Variants in HEMK2 observed in about 807,000 individuals in gnomAD.
The protein encoded by HEMK2 is methyltransferase HEMK2.
the HEMK2 span, among the ~76,000 whole-genome samples, chr21:28,817,736 C>T: frequency 1.3e-5 from 2 of 152,160 alleles, no homozygotes; most frequent in Non-Finnish European, 2.9e-5. Context: ...AACACTGACC[C>T]TTCTCAATTG....
chr21:28,877,618 GAA>G, the HEMK2 span, among the ~76,000 whole-genome samples: 4 of 146,864 alleles, frequency 2.7e-5, no homozygotes, highest in East Asian at 2.0e-4. Context: ...GAAAAAAAGA[GAA>G]AAGAGAGAAA....
chr21:28,885,318 AC>A, the HEMK2 span: 1 of 1,588,222 alleles, frequency 6.3e-7, no homozygotes, highest in Non-Finnish European at 8.6e-7. Context: ...TGCCCGTGGA[AC>A]GGCGTAGCGA....
At chr21:28,844,775 C>A in the HEMK2 span, among the ~76,000 whole-genome samples, 5 of 131,838 alleles carry the variant, frequency 3.8e-5, no homozygotes, top group Non-Finnish European at 6.2e-5. Context: ...CTTTCTTTTA[C>A]TTTAATTTGC....
chr21:28,668,751 G>A, the HEMK2 span, among the ~76,000 whole-genome samples: 260 of 152,252 alleles, frequency 1.7e-3, 3 homozygotes, highest in Middle Eastern at 3.4e-3. Flanking sequence ...TCAATTAACC[G>A]TGTATTAGTG....
the HEMK2 span, among the ~76,000 whole-genome samples, chr21:28,803,834 T>C: frequency 6.6e-6 from 1 of 152,252 alleles, no homozygotes; most frequent in African/African-American, 2.4e-5. Flanking sequence ...ATTAGAGTAA[T>C]TGTCTGAATT....
At chr21:28,885,339 C>G in the HEMK2 span, 2 of 1,570,542 alleles carry the variant, frequency 1.3e-6, no homozygotes, top group Non-Finnish European at 8.7e-7. Context: ...AAGTTCTCCC[C>G]TGCCATAGTC....
chr21:28,744,618 T>C, the HEMK2 span, among the ~76,000 whole-genome samples: 31 of 152,318 alleles, frequency 2.0e-4, no homozygotes, highest in Admixed American at 1.0e-3. Flanking sequence ...TTCTTCTTAA[T>C]AAAGGAAACA....
the HEMK2 span, among the ~76,000 whole-genome samples, chr21:28,655,242 A>G: frequency 3.3e-5 from 5 of 152,076 alleles, no homozygotes; most frequent in Admixed American, 3.3e-4. Context: ...CACTAATTTC[A>G]ATGAATACAA....
the HEMK2 span, among the ~76,000 whole-genome samples, chr21:28,854,711 G>A: frequency 6.6e-6 from 1 of 152,134 alleles, no homozygotes; most frequent in African/African-American, 2.4e-5. Context: ...GGGAGGCTAG[G>A]CCAGTTTCTC....
At chr21:28,681,081 G>C in the HEMK2 span, among the ~76,000 whole-genome samples, 1 of 152,154 alleles carries the variant, frequency 6.6e-6, no homozygotes. Flanking sequence ...GAAATAAAGG[G>C]CATTCAATTA....
the HEMK2 span, among the ~76,000 whole-genome samples, chr21:28,768,189 C>T: frequency 6.6e-6 from 1 of 152,094 alleles, no homozygotes; most frequent in Non-Finnish European, 1.5e-5. Context: ...CCTGGGCTTC[C>T]CCTCTGTGAG....
the HEMK2 span, among the ~76,000 whole-genome samples, chr21:28,652,282 G>A: frequency 1.3e-5 from 2 of 152,064 alleles, no homozygotes; most frequent in African/African-American, 4.8e-5. Context: ...GGGAAATCCC[G>A]ATTAGCCTAA....
the HEMK2 span, among the ~76,000 whole-genome samples, chr21:28,597,081 G>T: frequency 6.6e-6 from 1 of 152,066 alleles, no homozygotes; most frequent in Non-Finnish European, 1.5e-5. Context: ...CTGCTCTGAT[G>T]AAAGAAACAG....
At chr21:28,809,923 C>T in the HEMK2 span, among the ~76,000 whole-genome samples, 1 of 152,080 alleles carries the variant, frequency 6.6e-6, no homozygotes, top group Non-Finnish European at 1.5e-5. Flanking sequence ...TAAGGTTATC[C>T]ATTTCTGGGC....
chr21:28,694,296 C>A, the HEMK2 span, among the ~76,000 whole-genome samples: 9 of 152,158 alleles, frequency 5.9e-5, no homozygotes, highest in Non-Finnish European at 1.2e-4. Context: ...ACCTAATTTG[C>A]AGGAATGTCT....
At chr21:28,777,411 G>A in the HEMK2 span, among the ~76,000 whole-genome samples, 560 of 152,250 alleles carry the variant, frequency 3.7e-3, 16 homozygotes, top group South Asian at 1.7e-3. Flanking sequence ...TCCCAAAATT[G>A]ACTTCTCCTC....
the HEMK2 span, among the ~76,000 whole-genome samples, chr21:28,799,262 C>T: frequency 5.9e-5 from 9 of 152,188 alleles, no homozygotes; most frequent in South Asian, 2.1e-4. Flanking sequence ...AGGCATGTCT[C>T]ACATGGTGGC....
chr21:28,771,528 G>GC, the HEMK2 span, among the ~76,000 whole-genome samples: 1 of 88,940 alleles, frequency 1.1e-5, no homozygotes, highest in African/African-American at 4.8e-5. Context: ...ACCCCCCCCC[G>GC]CCAAAGAATT....
At chr21:28,689,119 T>A in the HEMK2 span, among the ~76,000 whole-genome samples, 1 of 126,160 alleles carries the variant, frequency 7.9e-6, no homozygotes, top group African/African-American at 3.7e-5. Context: ...TACCAAAAAG[T>A]AGTTATAAAA....
Sources: gnomAD v4.1 joint callset for allele counts (sites outside exome capture counted in the v4.1 genomes callset) on GRCh38, gnomAD v4.1.1 for gene constraint, MANE v1.5 for transcripts, NCBI Gene and HGNC (gene_info 2026-07-23, HGNC 2026-07-21) for gene names.